The following AGBL4 variants were observed in gnomAD, a reference collection of about 807,000 sequenced individuals.
AGBL4 encodes the protein AGBL carboxypeptidase 4, also known as cytosolic carboxypeptidase 6.
AGBL4 carries 58 observed loss-of-function variants against 66.4 expected under a neutral mutation model. The observed-to-expected ratio is 0.87, with a 90% CI of 0.71 to 1.09. The LOEUF (loss-of-function observed/expected upper bound fraction) is 1.09, where lower values mean the gene tolerates loss of function less well. Ranked by LOEUF, AGBL4 falls within the 50% of genes least tolerant of loss-of-function variation. The pLI is 0.00. For missense variants in AGBL4, 579 were observed against 631.0 expected (o/e 0.92, Z 0.88); for synonymous variants, 234 against 222.9 (o/e 1.05, Z -0.44).
At chr1:49,201,383 G>A (rs1478729977) in intron 4 of AGBL4, among the ~76,000 whole-genome samples, 1 of 152,162 alleles carries the variant, frequency 6.6e-6, no homozygotes, top group Admixed American at 6.6e-5. Context: ...AGAAACCTTA[G>A]TGAGTTGCTC....
chr1:49,941,780 C>T (rs1272155913), intron 1 of AGBL4, among the ~76,000 whole-genome samples: 1 of 152,010 alleles, frequency 6.6e-6, no homozygotes, highest in Non-Finnish European at 1.5e-5. Context: ...TAATACCATA[C>T]TCAACAGAGA....
chr1:49,947,988 T>A (rs967667193), intron 1 of AGBL4, among the ~76,000 whole-genome samples: 154 of 59,254 alleles, frequency 2.6e-3, no homozygotes, highest in Middle Eastern at 9.4e-3. Context: ...AAATATATAT[T>A]TATATATATA....
intron 2 of AGBL4, among the ~76,000 whole-genome samples, chr1:49,781,524 G>A (rs1557440713): frequency 6.6e-6 from 1 of 152,100 alleles, no homozygotes; most frequent in Admixed American, 6.6e-5. Flanking sequence ...TTAAAAAGGA[G>A]AAAGGGACAA....
At chr1:49,629,230 T>C (rs1558115606) in intron 3 of AGBL4, among the ~76,000 whole-genome samples, 1 of 152,242 alleles carries the variant, frequency 6.6e-6, no homozygotes, top group Non-Finnish European at 1.5e-5. Flanking sequence ...GGAGATAGCA[T>C]GGCCACAGGC....
At chr1:49,910,691 C>A (rs1650726678) in intron 1 of AGBL4, among the ~76,000 whole-genome samples, 1 of 151,774 alleles carries the variant, frequency 6.6e-6, no homozygotes, top group Non-Finnish European at 1.5e-5. Flanking sequence ...AGAAAGAAAA[C>A]CGCGCCAGGC....
At chr1:49,039,028 A>G (rs1664887589) in intron 5 of AGBL4, among the ~76,000 whole-genome samples, 1 of 152,138 alleles carries the variant, frequency 6.6e-6, no homozygotes. Flanking sequence ...AAAATGAGCT[A>G]TCATGTCATG....
chr1:48,756,385 T>C (rs957975649), intron 6 of AGBL4, among the ~76,000 whole-genome samples: 1 of 152,204 alleles, frequency 6.6e-6, no homozygotes, highest in Non-Finnish European at 1.5e-5. Flanking sequence ...TGTGCTGTCA[T>C]TGATTGTTTC....
chr1:49,399,519 T>C (rs569546050), intron 3 of AGBL4, among the ~76,000 whole-genome samples: 30 of 152,332 alleles, frequency 2.0e-4, no homozygotes, highest in African/African-American at 7.0e-4. Flanking sequence ...ATTGCTTGTC[T>C]TGTGGATATA....
chr1:48,884,302 T>G (rs1650079731), intron 5 of AGBL4, among the ~76,000 whole-genome samples: 2 of 43,574 alleles, frequency 4.6e-5, no homozygotes, highest in Non-Finnish European at 1.4e-4. Context: ...TTGTTTGTTT[T>G]TTTGTTTTGT....
At chr1:49,400,631 T>TA (rs1001897631) in intron 3 of AGBL4, among the ~76,000 whole-genome samples, 3 of 152,172 alleles carry the variant, frequency 2.0e-5, no homozygotes, top group Non-Finnish European at 4.4e-5. Context: ...GTGGCTATCA[T>TA]AAAAAAGATT....
At chr1:48,786,338 G>C (rs1296661606) in intron 6 of AGBL4, among the ~76,000 whole-genome samples, 1 of 152,176 alleles carries the variant, frequency 6.6e-6, no homozygotes, top group East Asian at 1.9e-4. Flanking sequence ...GACTTAGAGA[G>C]ATCATAGAAC....
At chr1:48,641,262 T>C (rs1269452885) in intron 8 of AGBL4, among the ~76,000 whole-genome samples, 2 of 152,220 alleles carry the variant, frequency 1.3e-5, no homozygotes, top group East Asian at 3.9e-4. Flanking sequence ...GAATGCCAGA[T>C]AATCTGTCAT....
chr1:49,974,404 G>A (rs370582305), intron 1 of AGBL4, among the ~76,000 whole-genome samples: 77 of 152,174 alleles, frequency 5.1e-4, no homozygotes, highest in African/African-American at 1.8e-3. Flanking sequence ...CTTAGACAAA[G>A]CCATTGAAAT....
intron 4 of AGBL4, among the ~76,000 whole-genome samples, chr1:49,160,442 A>T (rs1646518199): frequency 6.6e-6 from 1 of 152,112 alleles, no homozygotes; most frequent in Non-Finnish European, 1.5e-5. Context: ...AGGGGCACCC[A>T]CCAGATGCCA....
chr1:48,930,542 C>G (rs897150093), intron 5 of AGBL4, among the ~76,000 whole-genome samples: 1 of 152,072 alleles, frequency 6.6e-6, no homozygotes, highest in Non-Finnish European at 1.5e-5. Context: ...AATTCATGCT[C>G]ACAGTTACTT....
At chr1:49,564,865 T>C (rs1571052656) in intron 3 of AGBL4, among the ~76,000 whole-genome samples, 2 of 152,318 alleles carry the variant, frequency 1.3e-5, no homozygotes, top group Admixed American at 1.3e-4. Flanking sequence ...ATATCCTTCT[T>C]AACTTTCTGT....
intron 5 of AGBL4, among the ~76,000 whole-genome samples, chr1:49,018,272 A>G (rs1393596197): frequency 6.6e-6 from 1 of 152,142 alleles, no homozygotes; most frequent in African/African-American, 2.4e-5. Flanking sequence ...TAGAAGGCAC[A>G]CGTGAGGTGA....
intron 6 of AGBL4, among the ~76,000 whole-genome samples, chr1:48,677,549 G>C (rs1646385588): frequency 6.6e-6 from 1 of 152,188 alleles, no homozygotes. Context: ...GATCCTGCCA[G>C]CCTTGCAGAA....
At chr1:49,218,213 G>T (rs1649232491) in intron 4 of AGBL4, among the ~76,000 whole-genome samples, 1 of 152,048 alleles carries the variant, frequency 6.6e-6, no homozygotes, top group Non-Finnish European at 1.5e-5. Flanking sequence ...GCTAAAAGGA[G>T]GCAGATTGAG....
Sources: gnomAD v4.1 joint callset for allele counts (sites outside exome capture counted in the v4.1 genomes callset) on GRCh38, gnomAD v4.1.1 for gene constraint, MANE v1.5 for transcripts, NCBI Gene and HGNC (gene_info 2026-07-23, HGNC 2026-07-21) for gene names.